Variants in RIN2 observed in about 807,000 individuals in gnomAD.
The protein encoded by RIN2 is Ras and Rab interactor 2.
In RIN2, 36 loss-of-function variants were observed where a neutral mutation model predicts 78.0. The observed-to-expected ratio is 0.46, with a 90% confidence interval of 0.35 to 0.61. The LOEUF (loss-of-function observed/expected upper bound fraction) is 0.61. Ranked by LOEUF, RIN2 falls within the 20% of genes least tolerant of loss-of-function variation. The probability of loss-of-function intolerance (pLI) is 0.00; values close to 1 mark genes in which losing one functional copy is unlikely to be tolerated. For missense variants in RIN2, 1,087 were observed against 1,159.7 expected, an observed-to-expected ratio of 0.94 and a Z score of 0.91; for synonymous variants, 466 against 466.8, an observed-to-expected ratio of 1.00 and a Z score of 0.02.
At chr20:19,888,704 T>C (rs73277500) in intron 2 of RIN2, among the ~76,000 whole-genome samples, 4,786 of 152,298 alleles carry the variant, frequency 0.031, 241 homozygotes, top group African/African-American at 0.11. Context: ...CCTGGGACAG[T>C]CACTGGGTAA....
rs1315752065 is a variant in RIN2, at chr20:19,975,675, C to A, written c.1650C>A (p.Ser550Arg). 6.2e-7 allele frequency: 1 copy of A among 1,613,576 alleles called. No individual in the cohort carries two copies. The highest frequency in any genetic ancestry group is 2.2e-5 in the East Asian group (1 of 44,878). ...AGAACAAGGAGTGCCACGTGTCCAGCACCGACATGCTGCAGACCATCCGGC... is the reference window on the plus strand; with the variant it reads ...AGAACAAGGAGTGCCACGTGTCCAGAACCGACATGCTGCAGACCATCCGGC... ...LQENKECHVS[S>R]TDMLQTIRQF... Residue 550 changes from serine (S) to arginine (R), a missense_variant, in exon 9 of 13, where the codon AGC becomes AGA. By Grantham distance (110) the Ser-to-Arg change is moderately radical. Coordinates refer to ENST00000255006, the MANE Select transcript of RIN2 (RefSeq NM_018993.4). This position sits in a 1 kb window ranked among gnomAD's most constrained non-coding sequence, Gnocchi z 4.9.
chr20:19,969,681 C>G (rs924526576), intron 7 of RIN2, among the ~76,000 whole-genome samples: 1 of 152,178 alleles, frequency 6.6e-6, no homozygotes, highest in Non-Finnish European at 1.5e-5. Flanking sequence ...GATGCAATGT[C>G]TGGCACATTG....
At chr20:19,852,975 C>T (rs552133406) in intron 2 of RIN2, among the ~76,000 whole-genome samples, 3 of 151,492 alleles carry the variant, frequency 2.0e-5, no homozygotes, top group South Asian at 4.2e-4. Flanking sequence ...TGTTGGTGTG[C>T]TGCACCCATT....
At chr20:19,949,689 C>G (rs535386715) in intron 4 of RIN2, among the ~76,000 whole-genome samples, 10 of 152,198 alleles carry the variant, frequency 6.6e-5, no homozygotes, top group African/African-American at 2.2e-4. Flanking sequence ...GGATGCAGCT[C>G]GCGGGAGCGG....
chr20:19,767,746 G>A lies in RIN2; in HGVS notation c.-163+9419G>A, dbSNP rs536312555. On this transcript the variant is annotated intron_variant, in intron 1 of 12. Transcript: ENST00000255006. ...TCGAGACCAGCCTGGCCAACATGGC[G>A]AAACCCTGTCTCTACTAAAAATACA... Among the ~76,000 whole-genome samples the A allele has an allele frequency of 2.6e-5, 4 of 152,018 alleles. No homozygotes were observed. In the East Asian group the frequency reaches 5.8e-4, roughly 22 times the overall value.
chr20:19,889,740 G>A (rs936773690), intron 3 of RIN2, 82 bp downstream of exon 3: 2 of 1,125,764 alleles, frequency 1.8e-6, no homozygotes, highest in Non-Finnish European at 2.4e-6. Flanking sequence ...TGGAGCTGCT[G>A]AGGGAAGTCT....
intron 2 of RIN2, among the ~76,000 whole-genome samples, chr20:19,881,416 T>C (rs1156502388): frequency 1.3e-5 from 2 of 152,176 alleles, no homozygotes; most frequent in Non-Finnish European, 2.9e-5. Context: ...GACATCAGCA[T>C]ATACATGGTC....
At chr20:19,947,128 G>A (rs1331990992) in intron 4 of RIN2, among the ~76,000 whole-genome samples, 2 of 151,666 alleles carry the variant, frequency 1.3e-5, no homozygotes, top group East Asian at 3.9e-4. Flanking sequence ...TTAAAACCAT[G>A]CCTCCATGGA....
chr20:19,799,045 G>A (rs146278841), intron 1 of RIN2, among the ~76,000 whole-genome samples: 17 of 152,168 alleles, frequency 1.1e-4, no homozygotes, highest in African/African-American at 3.6e-4. Flanking sequence ...GACCATAGGC[G>A]TGTGTCGCTA....
intron 7 of RIN2, among the ~76,000 whole-genome samples, chr20:19,966,641 C>T (rs1251824613): frequency 1.3e-5 from 2 of 152,146 alleles, no homozygotes; most frequent in Non-Finnish European, 2.9e-5. Context: ...CTAAGCCGTT[C>T]ACCCTCTGAA....
In RIN2 at chr20:19,983,446, AATAC is replaced by A. The variant is rs147352697; in HGVS notation, c.1763-6556_1763-6553del. Among the ~76,000 whole-genome samples, 1,070 of 152,310 alleles carry A rather than the reference AATAC, an allele frequency of 7.0e-3. 15 individuals carry two copies. The highest frequency in any genetic ancestry group is 0.025 in the African/African-American group (1,028 of 41,552). On this transcript the variant is annotated intron_variant, in intron 9 of 12. Coordinates refer to ENST00000255006, the MANE Select transcript of RIN2 (RefSeq NM_018993.4). ...GGGCTGAAGTGAGGGTTAATGAGGT[AATAC>A]ATATAATATTAGAATAGGAAGTGCT...
rs1568736634 is a variant in RIN2, at chr20:20,002,274, C to T, written c.*1338C>T. On this transcript the variant is annotated 3_prime_UTR_variant, in exon 13 of 13. Transcript: ENST00000255006. ...CATGTTATTGTACTGTGTAAAGATGCATAGTCATCTCATTTGGTTGGCTTT... is the reference window on the plus strand; with the variant it reads ...CATGTTATTGTACTGTGTAAAGATGTATAGTCATCTCATTTGGTTGGCTTT... 1 of 152,568 alleles carries T rather than the reference C, an allele frequency of 6.6e-6. No homozygotes were observed. The highest frequency in any genetic ancestry group is 6.5e-5 in the Admixed American group (1 of 15,282). The allele number at this position is 152,568 out of a possible 1,614,324, so 9.5% of individuals were successfully genotyped here. A position where few individuals can be genotyped will look rare whatever the true frequency, so the allele number is the denominator to read the frequency against.
chr20:19,850,782 T>C (rs1220167661), intron 2 of RIN2, among the ~76,000 whole-genome samples: 1 of 152,098 alleles, frequency 6.6e-6, no homozygotes, highest in Non-Finnish European at 1.5e-5. Flanking sequence ...CTGACCAACA[T>C]GGTGAAAACC....
chr20:19,872,511 A>T (rs1178037691), intron 2 of RIN2, among the ~76,000 whole-genome samples: 1 of 152,172 alleles, frequency 6.6e-6, no homozygotes, highest in African/African-American at 2.4e-5. Flanking sequence ...GTCTTACTGC[A>T]ACTTTCTGCC....
At chr20:19,789,727 G>A (rs892622637) in intron 1 of RIN2, among the ~76,000 whole-genome samples, 3 of 152,088 alleles carry the variant, frequency 2.0e-5, no homozygotes, top group African/African-American at 7.2e-5. Context: ...ATGTGCTTCA[G>A]TCCCCTCTAT....
At chr20:19,957,415 G>A (rs1463121825) in intron 5 of RIN2, among the ~76,000 whole-genome samples, 4 of 152,200 alleles carry the variant, frequency 2.6e-5, no homozygotes, top group Non-Finnish European at 4.4e-5. Flanking sequence ...GGTGGCTCAC[G>A]CCTGTAATCC....
intron 2 of RIN2, among the ~76,000 whole-genome samples, chr20:19,843,351 GTCAA>G (rs138901327): frequency 0.011 from 1,625 of 152,222 alleles, 26 homozygotes; most frequent in African/African-American, 0.037. Flanking sequence ...ATGAAAAAAA[GTCAA>G]TCAATGTGAC....
At chr20:19,880,069 T>C (rs895899469) in intron 2 of RIN2, among the ~76,000 whole-genome samples, 5 of 152,032 alleles carry the variant, frequency 3.3e-5, no homozygotes, top group African/African-American at 9.7e-5. Flanking sequence ...GCCAACATGG[T>C]GAAACTCTGT....
intron 1 of RIN2, among the ~76,000 whole-genome samples, chr20:19,789,844 T>C (rs1948767309): frequency 6.6e-6 from 1 of 152,160 alleles, no homozygotes; most frequent in African/African-American, 2.4e-5. Context: ...GAGTTGCAAT[T>C]TGTCTTCCTC....
Sources: allele counts gnomAD v4.1 joint callset (sites outside exome capture counted in the v4.1 genomes callset), GRCh38; gene constraint gnomAD v4.1.1; non-coding constraint Gnocchi (gnomAD v3.1); transcripts MANE v1.5; gene names NCBI Gene and HGNC (gene_info 2026-07-23, HGNC 2026-07-21).